The following CGGBP1 variants were observed in gnomAD, a reference collection of about 807,000 sequenced individuals.
CGGBP1 encodes the protein CGG triplet repeat binding protein 1.
CGGBP1 carries 4 observed loss-of-function variants against 11.4 expected under a neutral mutation model. That is an observed-to-expected ratio of 0.35 (90% CI 0.17 to 0.80). CGGBP1 has a LOEUF of 0.80. Ranked by LOEUF, CGGBP1 falls within the 30% of genes least tolerant of loss-of-function variation. The pLI, the probability that CGGBP1 is intolerant of heterozygous loss-of-function variation, is 0.52. For missense variants in CGGBP1, 135 were observed against 202.1 expected (o/e 0.67, Z 2.01); for synonymous variants, 76 against 74.1 (o/e 1.03, Z -0.13).
chr3:88,148,583 C>T (rs1260742337), intron 1 of CGGBP1, among the ~76,000 whole-genome samples: 1 of 152,184 alleles, frequency 6.6e-6, no homozygotes, highest in Non-Finnish European at 1.5e-5. Context: ...CTGACAATTT[C>T]ACCATATTTT....
chr3:88,084,357 C>T (rs1483028359), intron 2 of CGGBP1, among the ~76,000 whole-genome samples: 1 of 152,138 alleles, frequency 6.6e-6, no homozygotes, highest in Non-Finnish European at 1.5e-5. Flanking sequence ...TTTTATGTGG[C>T]ACCGGAGTAG....
intron 1 of CGGBP1, among the ~76,000 whole-genome samples, chr3:88,148,298 AAAGAACAAT>A (rs1285137743): frequency 6.6e-6 from 1 of 152,198 alleles, no homozygotes; most frequent in Non-Finnish European, 1.5e-5. Flanking sequence ...TCCCCAGTAC[AAAGAACAAT>A]AACTGGCAAG....
At chr3:88,116,079 TAAC>T (rs1200601742) in intron 2 of CGGBP1, among the ~76,000 whole-genome samples, 1 of 152,052 alleles carries the variant, frequency 6.6e-6, no homozygotes, top group East Asian at 1.9e-4. Flanking sequence ...CCCCTGCTTG[TAAC>T]AACAAGGGCT....
intron 1 of CGGBP1, among the ~76,000 whole-genome samples, 164 bp downstream of exon 1, chr3:88,058,651 T>G (rs1473638092): frequency 6.6e-6 from 1 of 152,124 alleles, no homozygotes; most frequent in East Asian, 1.9e-4. Context: ...GGCAGGCGCC[T>G]GGCGGAGGCG....
chr3:88,117,041 A>G (rs1426166969), intron 2 of CGGBP1, among the ~76,000 whole-genome samples: 2 of 152,162 alleles, frequency 1.3e-5, no homozygotes, highest in Admixed American at 6.5e-5. Context: ...TGAGTTTATA[A>G]TATCTTCCAT....
intron 2 of CGGBP1, among the ~76,000 whole-genome samples, chr3:88,081,215 T>G (rs1214646514): frequency 6.6e-6 from 1 of 152,244 alleles, no homozygotes; most frequent in African/African-American, 2.4e-5. Flanking sequence ...AATGTATTGT[T>G]ATGAAGAGAT....
At chr3:88,079,891 T>G (rs1463409809) in intron 2 of CGGBP1, among the ~76,000 whole-genome samples, 2 of 152,082 alleles carry the variant, frequency 1.3e-5, no homozygotes, top group African/African-American at 4.8e-5. Context: ...TACTGTAGAT[T>G]ATGTTCTTTG....
chr3:88,063,878 A>G (rs1177733443), upstream of CGGBP1, among the ~76,000 whole-genome samples: 2 of 151,998 alleles, frequency 1.3e-5, no homozygotes, highest in South Asian at 2.1e-4. Context: ...TTGAGTCCCA[A>G]CTATCACGTC....
intron 3 of CGGBP1, chr3:88,056,254 A>C (rs1706538885): frequency 3.2e-6 from 1 of 310,650 alleles, no homozygotes; most frequent in East Asian, 5.9e-5. Flanking sequence ...CTATAAAGAA[A>C]GAACTCAAAC....
At chr3:88,116,612 TTGTG>T (rs761236273) in intron 2 of CGGBP1, among the ~76,000 whole-genome samples, 3 of 149,814 alleles carry the variant, frequency 2.0e-5, no homozygotes, top group East Asian at 2.0e-4. Context: ...TGTATATATG[TTGTG>T]TGTGTGTGTG....
intron 2 of CGGBP1, among the ~76,000 whole-genome samples, chr3:88,125,664 G>T (rs1706056204): frequency 6.6e-6 from 1 of 152,086 alleles, no homozygotes; most frequent in Non-Finnish European, 1.5e-5. Flanking sequence ...ATATATTTGG[G>T]ATCAGGACAG....
At chr3:88,130,847 A>C (rs1317809459) in intron 2 of CGGBP1, among the ~76,000 whole-genome samples, 1 of 151,990 alleles carries the variant, frequency 6.6e-6, no homozygotes, top group Non-Finnish European at 1.5e-5. Context: ...GAAACAGGTA[A>C]ATTTGTTTTC....
At chr3:88,147,480 T>C (rs1227203710) in intron 1 of CGGBP1, among the ~76,000 whole-genome samples, 2 of 152,124 alleles carry the variant, frequency 1.3e-5, no homozygotes. Flanking sequence ...TCTGGAGAGA[T>C]TGACAGAATA....
chr3:88,139,066 G>A (rs2107887696), intron 2 of CGGBP1: 2 of 1,264,230 alleles, frequency 1.6e-6, no homozygotes, highest in Non-Finnish European at 9.9e-7. Flanking sequence ...GCATTATTGA[G>A]TGATAAATCA....
At chr3:88,118,150 A>C (rs1705525696) in intron 2 of CGGBP1, among the ~76,000 whole-genome samples, 1 of 152,138 alleles carries the variant, frequency 6.6e-6, no homozygotes, top group South Asian at 2.1e-4. Context: ...GTTAGAGAAA[A>C]GTCTATCCTT....
In CGGBP1 at chr3:88,056,105, T is replaced by G. The variant is rs556488291; in HGVS notation, c.-23-106A>C. ...AAACACTTCAAATACTTCAAAAAAC[T>G]TAATTCAAATTAGTAGACTGTGTGT... On this transcript the variant is annotated intron_variant, in intron 3 of 3. Transcript: ENST00000482016. 14 of 789,226 alleles carry G rather than the reference T, an allele frequency of 1.8e-5. No individual in the cohort carries two copies. In the East Asian group the frequency reaches 3.8e-4, roughly 21 times the overall value. 48.9% of individuals were successfully genotyped at this position (789,226 alleles called of 1,614,324 possible). A position where few individuals can be genotyped will look rare whatever the true frequency, so the allele number is the denominator to read the frequency against.
rs1335189439 is a variant in CGGBP1, at chr3:88,129,631, A to G, written c.-229+11339T>C. On this transcript the variant is annotated intron_variant, in intron 2 of 3. Coordinates refer to the CGGBP1 transcript ENST00000462901. ...CTTGAATGTTTAAACATTTATTGCA[A>G]CTAGCTTCTTAGATATTTTTAATTA... 8 of 1,281,710 alleles carry G rather than the reference A, an allele frequency of 6.2e-6. No homozygotes were observed. The South Asian group carries it at 1.1e-4, about 17-fold the overall frequency. The allele number at this position is 1,281,710 out of a possible 1,614,324, so 79.4% of individuals were successfully genotyped here. A position where few individuals can be genotyped will look rare whatever the true frequency, so the allele number is the denominator to read the frequency against.
Position 88,055,225 on chromosome 3 carries a change from T to C in CGGBP1, c.*248A>G, listed in dbSNP as rs764570052. The C allele has an allele frequency of 4.1e-5, 14 of 342,548 alleles. No individual in the cohort carries two copies. The highest frequency in any genetic ancestry group is 6.8e-5 in the Non-Finnish European group (13 of 190,980). The allele number at this position is 342,548 out of a possible 1,614,324, so 21.2% of individuals were successfully genotyped here. A position where few individuals can be genotyped will look rare whatever the true frequency, so the allele number is the denominator to read the frequency against. On this transcript the variant is annotated 3_prime_UTR_variant, in exon 4 of 4. Coordinates refer to ENST00000482016, the MANE Select transcript of CGGBP1 (RefSeq NM_001008390.2). The surrounding 1 kb of genome is among the most constrained non-coding windows in gnomAD (Gnocchi z 4.2). ...GGAGAAAAACCATTAATTTTAAAGA[T>C]AACCATCAGGTTTCAGGTATCCTAG...
At chr3:88,123,111 C>G (rs1259012389) in intron 2 of CGGBP1, among the ~76,000 whole-genome samples, 2 of 151,982 alleles carry the variant, frequency 1.3e-5, no homozygotes, top group East Asian at 3.8e-4. Context: ...TTAAGTGCTT[C>G]CTTATTCACT....
Sources: allele counts gnomAD v4.1 joint callset (sites outside exome capture counted in the v4.1 genomes callset), GRCh38; gene constraint gnomAD v4.1.1; non-coding constraint Gnocchi (gnomAD v3.1); transcripts MANE v1.5; gene names NCBI Gene and HGNC (gene_info 2026-07-23, HGNC 2026-07-21).